Variants in BRD4 observed in about 807,000 individuals in gnomAD.
BRD4 encodes bromodomain-containing protein 4.
A neutral mutation model predicts 142.1 loss-of-function variants in BRD4; 16 were observed. The observed-to-expected ratio is 0.11, with a 90% confidence interval of 0.08 to 0.17. The LOEUF is 0.17. Among genes scored for constraint, BRD4 ranks in the 10% least tolerant of loss-of-function variants. The pLI is 1.00. For synonymous variants in BRD4, 833 were observed against 707.5 expected, an observed-to-expected ratio of 1.18 and a Z score of -2.82; for missense variants, 1,424 against 1,810.9, an observed-to-expected ratio of 0.79 and a Z score of 3.88.
intron 1 of BRD4, among the ~76,000 whole-genome samples, chr19:15,276,013 G>C (rs1292942140): frequency 6.6e-6 from 1 of 152,120 alleles, no homozygotes; most frequent in African/African-American, 2.4e-5. Flanking sequence ...AAAAAGAAAA[G>C]AAAAGAAAGT....
chr19:15,273,738 T>C (rs1318566817), intron 1 of BRD4, among the ~76,000 whole-genome samples: 2 of 151,730 alleles, frequency 1.3e-5, no homozygotes, highest in Admixed American at 6.6e-5. Context: ...ACTTAAATAA[T>C]GCAGGTCTGC....
At chr19:15,280,803 G>A (rs2145646615) in intron 1 of BRD4, among the ~76,000 whole-genome samples, 1 of 152,268 alleles carries the variant, frequency 6.6e-6, no homozygotes, top group Non-Finnish European at 1.5e-5. Flanking sequence ...ATTATTTTCA[G>A]GGAATGCTAG....
chr19:15,272,161 G>C (rs1053040509), intron 2 of BRD4, among the ~76,000 whole-genome samples: 3 of 152,178 alleles, frequency 2.0e-5, no homozygotes, highest in Non-Finnish European at 4.4e-5. Flanking sequence ...AGGGACATGG[G>C]CATATGGAAA....
chr19:15,246,853 G>A (rs1168344138), intron 11 of BRD4, among the ~76,000 whole-genome samples: 4 of 152,226 alleles, frequency 2.6e-5, no homozygotes, highest in East Asian at 1.9e-4. Context: ...GAGAGAAGGC[G>A]GCATGTGCAC....
chr19:15,300,258 A>T (rs1336446622), intron 1 of BRD4, among the ~76,000 whole-genome samples: 1 of 152,030 alleles, frequency 6.6e-6, no homozygotes, highest in Non-Finnish European at 1.5e-5. Flanking sequence ...AATAAATAAA[A>T]ACAAATAAAA....
intron 11 of BRD4, chr19:15,253,714 C>T (rs534662768): frequency 3.5e-5 from 56 of 1,598,442 alleles, no homozygotes; most frequent in South Asian, 7.7e-5. Context: ...CTCCCTGAAG[C>T]GGCCGCACTG....
rs2047217734 is a variant in BRD4, at chr19:15,239,130, A to G, written c.3711T>C (p.Arg1237=). ...FRRAAREKEE[R]EKALKAQAEH... is the part of the protein sequence containing the mutation. The stretch of plus-strand genomic sequence containing the variant: ...CGGCCTGAGCCTTCAGGGCCTTCTC[A>G]CGCTCCTCTTTCTCCCGAGCGGCGC... The change falls in exon 18 of 20, where the codon CGT becomes CGC. Residue 1237 remains arginine (R), a synonymous_variant. Transcript: ENST00000679869. This position sits in a 1 kb window ranked among gnomAD's most constrained non-coding sequence, Gnocchi z 7.4. 6.2e-7 allele frequency: 1 copy of G among 1,610,728 alleles called. No homozygotes were observed. The highest frequency in any genetic ancestry group is 8.5e-7 in the Non-Finnish European group (1 of 1,179,720).
At position 15,312,804 on chromosome 19, in the gene BRD4, G is replaced by A. The variant is rs935588815; in HGVS notation, c.-35+19486C>T. On this transcript the variant is annotated intron_variant, in intron 1 of 19. Transcript: ENST00000679869. The stretch of plus-strand genomic sequence containing the variant: ...TACAAAATTAGCCGGGCGTGGGGGC[G>A]CGTGCCTGTAATTCCAGCTACCCCA... 5.3e-5 allele frequency among the ~76,000 whole-genome samples: 8 copies of A among 151,974 alleles called. No individual in the cohort carries two copies. The East Asian group carries it at 5.8e-4, about 11-fold the overall frequency.
At chr19:15,243,552 C>T (rs2145512741) in intron 13 of BRD4, 65 bp from the exon 14 acceptor site, 2 of 1,479,668 alleles carry the variant, frequency 1.4e-6, no homozygotes, top group Non-Finnish European at 1.8e-6. Context: ...GGCCTTTCTG[C>T]TCCATCCTGA....
intron 1 of BRD4, among the ~76,000 whole-genome samples, chr19:15,295,502 C>T (rs2047815591): frequency 6.6e-6 from 1 of 152,178 alleles, no homozygotes; most frequent in African/African-American, 2.4e-5. Flanking sequence ...TTTGCCTTAT[C>T]ACAATCACAG....
intron 7 of BRD4, among the ~76,000 whole-genome samples, chr19:15,262,325 C>T (rs12459848): frequency 2.6e-5 from 4 of 152,158 alleles, no homozygotes; most frequent in African/African-American, 9.7e-5. Flanking sequence ...CATGATGGCT[C>T]TGACCCTGAG....
Position 15,239,050 on chromosome 19 carries a change from C to G in BRD4, c.3782+9G>C. The stretch of plus-strand genomic sequence containing the variant: ...AGAGTCCCCATGCCCCACCCAGACA[C>G]CCGCCCACCTCATGCGCTCCTGCCG... On this transcript the variant is annotated intron_variant, in intron 18 of 19. Coordinates refer to ENST00000679869, the MANE Select transcript of BRD4 (RefSeq NM_001379291.1). This position sits in a 1 kb window ranked among gnomAD's most constrained non-coding sequence, Gnocchi z 7.4. The G allele has an allele frequency of 6.3e-7, 1 of 1,584,988 alleles. No homozygotes were observed. The highest frequency in any genetic ancestry group is 8.5e-7 in the Non-Finnish European group (1 of 1,169,672).
At chr19:15,301,204 T>C (rs2047864482) in intron 1 of BRD4, among the ~76,000 whole-genome samples, 1 of 152,226 alleles carries the variant, frequency 6.6e-6, no homozygotes, top group Non-Finnish European at 1.5e-5. Flanking sequence ...CATTGTATGA[T>C]GCCATTTTCC....
Position 15,243,314 on chromosome 19 carries a change from G to A in BRD4, c.2755C>T (p.Pro919Ser). The A allele has an allele frequency of 7.0e-7, 1 of 1,430,490 alleles. No individual in the cohort carries two copies. The highest frequency in any genetic ancestry group is 9.2e-7 in the Non-Finnish European group (1 of 1,085,808). The allele number at this position is 1,430,490 out of a possible 1,614,324, so 88.6% of individuals were successfully genotyped here. A position where few individuals can be genotyped will look rare whatever the true frequency, so the allele number is the denominator to read the frequency against. ...TGCATGGAGGTGAGGGGTGGGGCAG[G>A]TGGCTCTTCATCCTCCAGCAGCACT... The part of the protein sequence containing the change: ...PQVLLEDEEP[P>S]APPLTSMQMQ... The change falls in exon 14 of 20, where the codon CCT (proline) becomes TCT (serine). Residue 919 changes from proline (P) to serine (S), a missense_variant. By Grantham distance (74) the Pro-to-Ser change is moderately conservative (BLOSUM62 -1). Around this residue, in one of 16 missense-constraint regions of BRD4, gnomAD observed 598 missense variants for 647.8 expected, o/e 0.92. Coordinates refer to ENST00000679869, the MANE Select transcript of BRD4 (RefSeq NM_001379291.1).
At position 15,269,098 on chromosome 19, in the gene BRD4, G is replaced by A. The variant is rs542421568; in HGVS notation, c.286-56C>T. 41 of 1,600,908 alleles carry A rather than the reference G, an allele frequency of 2.6e-5. No homozygotes were observed. The East Asian group carries it at 3.4e-4, about 13-fold the overall frequency. Reference sequence around the variant, plus strand: ...ACCTAGGCAGCCAGGCAGCACAAACGCTGGGCTGGCCAGGCTGGCCTGGGG... The same window carrying A: ...ACCTAGGCAGCCAGGCAGCACAAACACTGGGCTGGCCAGGCTGGCCTGGGG... On this transcript the variant is annotated intron_variant, in intron 2 of 19. Coordinates refer to ENST00000679869, the MANE Select transcript of BRD4 (RefSeq NM_001379291.1).
intron 1 of BRD4, chr19:15,280,461 G>A (rs1192933520): frequency 7.9e-6 from 8 of 1,011,128 alleles, no homozygotes; most frequent in Non-Finnish European, 8.3e-6. Context: ...TTTCATCCTC[G>A]TAAACAAATC....
intron 11 of BRD4, chr19:15,253,587 C>G: frequency 6.3e-7 from 1 of 1,587,036 alleles, no homozygotes; most frequent in Non-Finnish European, 8.5e-7. Flanking sequence ...AACGAGCACA[C>G]TCTGGGGAGG....
At chr19:15,297,636 C>T (rs1295900253) in intron 1 of BRD4, among the ~76,000 whole-genome samples, 5 of 152,212 alleles carry the variant, frequency 3.3e-5, no homozygotes, top group Admixed American at 2.6e-4. Context: ...AGCAAGTTGA[C>T]ATCTCATCTG....
chr19:15,249,118 G>A, intron 11 of BRD4: 1 of 1,214,486 alleles, frequency 8.2e-7, no homozygotes, highest in Non-Finnish European at 1.2e-6. Context: ...TGTGCTGCTG[G>A]ACATGACTAA....
Sources: gnomAD v4.1 joint callset for allele counts (sites outside exome capture counted in the v4.1 genomes callset) on GRCh38, gnomAD v4.1.1 for gene constraint, gnomAD v4.1.1 regional missense constraint, Gnocchi (gnomAD v3.1) non-coding constraint, MANE v1.5 for transcripts, NCBI Gene and HGNC (gene_info 2026-07-23, HGNC 2026-07-21) for gene names.